Variants in ROBO2 observed in about 807,000 individuals in gnomAD.
ROBO2 encodes roundabout guidance receptor 2.
ROBO2 carries 53 observed loss-of-function variants against 160.8 expected under a neutral mutation model. The ratio of observed to expected loss-of-function variants is 0.33; its 90% CI spans 0.26 to 0.41. The LOEUF (loss-of-function observed/expected upper bound fraction) is 0.41, where lower values mean the gene tolerates loss of function less well. Ranked by LOEUF, ROBO2 falls within the 10% of genes least tolerant of loss-of-function variation. The pLI, the probability that ROBO2 is intolerant of heterozygous loss-of-function variation, is 1.00. For missense variants in ROBO2, 1,577 were observed against 1,722.4 expected (o/e 0.92, Z 1.49); for synonymous variants, 664 against 611.7 (o/e 1.09, Z -1.26).
At chr3:76,978,296 T>G (rs1461862042) in intron 2 of ROBO2, among the ~76,000 whole-genome samples, 1 of 152,228 alleles carries the variant, frequency 6.6e-6, no homozygotes, top group Non-Finnish European at 1.5e-5. Flanking sequence ...TAGAGGTCAC[T>G]TTATGCATCG....
At chr3:77,347,436 G>A (rs553158274) in intron 2 of ROBO2, among the ~76,000 whole-genome samples, 62 of 151,418 alleles carry the variant, frequency 4.1e-4, no homozygotes, top group African/African-American at 1.2e-3. Context: ...CCCTCTTACC[G>A]TATAATTCCC....
At chr3:77,072,712 C>A (rs2067554979) in intron 1 of ROBO2, among the ~76,000 whole-genome samples, 1 of 152,160 alleles carries the variant, frequency 6.6e-6, no homozygotes, top group Admixed American at 6.5e-5. Flanking sequence ...AGTATATACC[C>A]AGTGCTGAGC....
chr3:77,213,507 T>C (rs1361555500), intron 2 of ROBO2, among the ~76,000 whole-genome samples: 1 of 152,160 alleles, frequency 6.6e-6, no homozygotes. Context: ...CTATCAATTT[T>C]GTTGATTATT....
chr3:76,009,612 A>G (rs1349659360), intron 2 of ROBO2, among the ~76,000 whole-genome samples: 1 of 152,250 alleles, frequency 6.6e-6, no homozygotes, highest in African/African-American at 2.4e-5. Flanking sequence ...AGAAAATCTT[A>G]GGAATGAAAT....
intron 2 of ROBO2, among the ~76,000 whole-genome samples, chr3:76,552,881 G>A (rs551814918): frequency 6.6e-6 from 1 of 152,286 alleles, no homozygotes; most frequent in South Asian, 2.1e-4. Context: ...GATCATGACA[G>A]GTCTTGTGAA....
chr3:77,358,870 C>A (rs1205388729), intron 2 of ROBO2, among the ~76,000 whole-genome samples: 2 of 152,134 alleles, frequency 1.3e-5, no homozygotes, highest in African/African-American at 4.8e-5. Flanking sequence ...GAATAAATGA[C>A]CTTTTGGTAA....
intron 2 of ROBO2, among the ~76,000 whole-genome samples, chr3:76,273,008 A>G (rs1276967237): frequency 4.2e-5 from 4 of 95,598 alleles, no homozygotes; most frequent in East Asian, 5.4e-4. Flanking sequence ...TTATATATAA[A>G]AATATATTAT....
intron 2 of ROBO2, chr3:76,434,862 G>A: frequency 1.9e-6 from 3 of 1,583,134 alleles, no homozygotes; most frequent in South Asian, 1.1e-5. Context: ...TGCCCTGAAG[G>A]CTCAGAGTGG....
intron 1 of ROBO2, among the ~76,000 whole-genome samples, chr3:77,086,498 T>G (rs1446423328): frequency 6.6e-6 from 1 of 152,166 alleles, no homozygotes; most frequent in Admixed American, 6.5e-5. Context: ...CTTTATCATT[T>G]CTTAAAAACG....
At chr3:76,442,563 A>T (rs1349988474) in intron 2 of ROBO2, among the ~76,000 whole-genome samples, 1 of 152,164 alleles carries the variant, frequency 6.6e-6, no homozygotes, top group Non-Finnish European at 1.5e-5. Flanking sequence ...TCACGGTTTC[A>T]CTTTCTGGTG....
At position 77,605,569 on chromosome 3, in the gene ROBO2, C is replaced by G. The variant is rs558072437; in HGVS notation, c.3137-2229C>G. 3.9e-5 allele frequency among the ~76,000 whole-genome samples: 6 copies of G among 152,106 alleles called. No homozygotes were observed. The South Asian group carries it at 8.3e-4, about 21-fold the overall frequency. ...TCACATATTTCTTCTATGAATCACC[C>G]GTTTCCCAAATAGATTTTTAAATCT... On this transcript the variant is annotated intron_variant, in intron 20 of 25. Coordinates refer to ENST00000461745, the Ensembl canonical transcript of ROBO2.
rs66672194 is a variant in ROBO2 at position 77,199,620 on chromosome 3, ATTTT to A, written c.388+101299_388+101302del. On this transcript the variant is annotated intron_variant, in intron 2 of 25. Coordinates refer to ENST00000461745, the Ensembl canonical transcript of ROBO2. ...TTTTATTCTGATGGACTCAGTCACC[ATTTT>A]TTTTTTTTTTTTTTTTTTGTGACAG... Among the ~76,000 whole-genome samples the A allele has an allele frequency of 6.7e-3, 795 of 118,140 alleles. 13 individuals carry two copies. Among genetic ancestry groups the A allele is most frequent in the Admixed American group, 0.051 (581 of 11,454 alleles). 77.5% of individuals were successfully genotyped at this position (118,140 alleles called of 152,430 possible).
intron 2 of ROBO2, among the ~76,000 whole-genome samples, chr3:77,429,662 T>G (rs568204417): frequency 1.3e-5 from 2 of 151,410 alleles, no homozygotes; most frequent in East Asian, 2.0e-4. Flanking sequence ...GTTCAAATAC[T>G]GAAAAGGAAA....
intron 2 of ROBO2, among the ~76,000 whole-genome samples, chr3:76,849,179 T>A (rs2069078379): frequency 6.6e-6 from 1 of 152,178 alleles, no homozygotes; most frequent in East Asian, 1.9e-4. Context: ...CTGAAGACAT[T>A]AATTTCCCAC....
intron 2 of ROBO2, among the ~76,000 whole-genome samples, chr3:76,341,235 C>A (rs1257866356): frequency 6.7e-6 from 1 of 150,270 alleles, no homozygotes; most frequent in East Asian, 1.9e-4. Context: ...AGAGACTTAC[C>A]TGCTCACATC....
chr3:76,870,861 T>C (rs1033151159), intron 2 of ROBO2, among the ~76,000 whole-genome samples: 1 of 151,538 alleles, frequency 6.6e-6, no homozygotes, highest in African/African-American at 2.4e-5. Flanking sequence ...GAAACAACTG[T>C]GGTTTATAAA....
intron 2 of ROBO2, among the ~76,000 whole-genome samples, chr3:77,135,181 T>C (rs562568213): frequency 1.2e-4 from 18 of 152,278 alleles, no homozygotes; most frequent in African/African-American, 4.3e-4. Context: ...CTGCGATTTT[T>C]AATTGGGAAT....
chr3:76,175,045 G>C (rs2107042078), intron 2 of ROBO2, among the ~76,000 whole-genome samples: 1 of 152,206 alleles, frequency 6.6e-6, no homozygotes, highest in Middle Eastern at 3.4e-3. Flanking sequence ...TTATTGAGCA[G>C]TGGTTTGTAG....
chr3:77,124,458 A>T (rs1195143997), intron 2 of ROBO2, among the ~76,000 whole-genome samples: 1 of 152,180 alleles, frequency 6.6e-6, no homozygotes, highest in East Asian at 1.9e-4. Context: ...AGCTAACAGG[A>T]GCCACAAATG....
Sources: allele counts gnomAD v4.1 joint callset (sites outside exome capture counted in the v4.1 genomes callset), GRCh38; gene constraint gnomAD v4.1.1; transcripts MANE v1.5; gene names NCBI Gene and HGNC (gene_info 2026-07-23, HGNC 2026-07-21).